Variants in PAX2 observed in about 807,000 individuals in gnomAD.
The protein encoded by PAX2 is paired box 2.
In PAX2, 9 loss-of-function variants were observed where a neutral mutation model predicts 41.7. The ratio of observed to expected loss-of-function variants is 0.22; its 90% CI spans 0.13 to 0.38. The LOEUF (loss-of-function observed/expected upper bound fraction) is 0.38, where lower values mean the gene tolerates loss of function less well. Among genes scored for constraint, PAX2 ranks in the 10% least tolerant of loss-of-function variants. PAX2 has a pLI of 1.00. For synonymous variants in PAX2, 221 were observed against 212.7 expected (o/e 1.04, Z -0.34); for missense variants, 418 against 531.6 (o/e 0.79, Z 2.10).
At chr10:100,770,260 A>G (rs1480324406) in intron 3 of PAX2, among the ~76,000 whole-genome samples, 1 of 152,158 alleles carries the variant, frequency 6.6e-6, no homozygotes, top group Non-Finnish European at 1.5e-5. Context: ...ACTTTATCCC[A>G]GCAATGAATC....
chr10:100,781,483 G>A (rs887314214), intron 5 of PAX2, 118 bp downstream of exon 5: 1 of 1,100,550 alleles, frequency 9.1e-7, no homozygotes, highest in Admixed American at 1.7e-5. Context: ...TAGTAGCAAA[G>A]CCCAGGTCCC....
Position 100,745,856 on chromosome 10 carries a change from C to T in PAX2, c.-405C>T, listed in dbSNP as rs1270903058. On this transcript the variant is annotated 5_prime_UTR_variant, in exon 1 of 10. Transcript: ENST00000355243. Reference sequence around the variant, plus strand: ...GCGCCCTCTGACCGCCCCCGCCCCGCGCGCTCTCCGACCACCGCCTCTCGG... The same window carrying T: ...GCGCCCTCTGACCGCCCCCGCCCCGTGCGCTCTCCGACCACCGCCTCTCGG... 9.1e-7 allele frequency: 1 copy of T among 1,104,202 alleles called. No homozygotes were observed. Among genetic ancestry groups the T allele is most frequent in the Non-Finnish European group, 1.1e-6 (1 of 906,620 alleles). 68.4% of individuals were successfully genotyped at this position (1,104,202 alleles called of 1,614,324 possible). A position where few individuals can be genotyped will look rare whatever the true frequency, so the allele number is the denominator to read the frequency against.
At chr10:100,808,448 C>T (rs776698548) in intron 6 of PAX2, among the ~76,000 whole-genome samples, 19 of 152,128 alleles carry the variant, frequency 1.2e-4, no homozygotes, top group Non-Finnish European at 1.9e-4. Flanking sequence ...TGCAGGCTCC[C>T]GGTCTGCCCA....
At chr10:100,807,868 A>G (rs186431909) in intron 6 of PAX2, among the ~76,000 whole-genome samples, 4 of 152,306 alleles carry the variant, frequency 2.6e-5, no homozygotes, top group Non-Finnish European at 5.9e-5. Flanking sequence ...AGACTCCAAC[A>G]GCTCCCAGCC....
intron 1 of PAX2, chr10:100,735,745 AGAGACCCGTCCGCGCCGCAGGC>A: frequency 9.6e-7 from 1 of 1,038,952 alleles, no homozygotes; most frequent in Non-Finnish European, 1.2e-6. Context: ...TAAGAGCGGC[AGAGACCCGTCCGCGCCGCAGGC>A]GAGGACTAGG....
At chr10:100,807,025 T>A (rs1010513966) in intron 6 of PAX2, among the ~76,000 whole-genome samples, 3 of 152,000 alleles carry the variant, frequency 2.0e-5, no homozygotes, top group Non-Finnish European at 4.4e-5. Flanking sequence ...AAGTCTACGC[T>A]AGACTGGGGA....
At chr10:100,783,090 G>A (rs1846699889) in intron 5 of PAX2, among the ~76,000 whole-genome samples, 1 of 152,228 alleles carries the variant, frequency 6.6e-6, no homozygotes. Context: ...CTGGGGGTAG[G>A]GAGGCACTGG....
chr10:100,819,601 A>T, intron 7 of PAX2, among the ~76,000 whole-genome samples: 1 of 152,172 alleles, frequency 6.6e-6, no homozygotes, highest in East Asian at 1.9e-4. Context: ...TAAAAACATC[A>T]ACATCATAGG....
intron 3 of PAX2, among the ~76,000 whole-genome samples, chr10:100,770,183 C>T (rs1233498680): frequency 6.6e-6 from 1 of 152,182 alleles, no homozygotes; most frequent in Non-Finnish European, 1.5e-5. Context: ...GCTCATGTGA[C>T]TGCAGAGGGA....
chr10:100,758,393 G>C (rs1351313453), intron 3 of PAX2, among the ~76,000 whole-genome samples: 3 of 152,056 alleles, frequency 2.0e-5, no homozygotes, highest in African/African-American at 7.2e-5. Flanking sequence ...GCCCGCCTCG[G>C]CCTCCCAGAT....
intron 3 of PAX2, among the ~76,000 whole-genome samples, chr10:100,764,680 CTG>C (rs59663467): frequency 4.6e-4 from 69 of 149,360 alleles, no homozygotes; most frequent in East Asian, 1.4e-3. Context: ...GACCTTGTGG[CTG>C]TGTGTGTGTG....
At chr10:100,776,515 A>G (rs1384194720) in intron 3 of PAX2, among the ~76,000 whole-genome samples, 2 of 152,174 alleles carry the variant, frequency 1.3e-5, no homozygotes, top group African/African-American at 4.8e-5. Context: ...TTGCAAGGTC[A>G]GTTTCTTTTC....
intron 5 of PAX2, among the ~76,000 whole-genome samples, chr10:100,799,880 G>T (rs1315657071): frequency 6.1e-5 from 9 of 148,120 alleles, no homozygotes; most frequent in African/African-American, 2.0e-4. Context: ...CGCCTCCTGG[G>T]TTCAAGCGAT....
rs60831676 is a variant in PAX2, at chr10:100,807,434, C to A, written c.792+829C>A. ...ACGGTACTGTGCTCACACACCACCG[C>A]CCACCTGTTCCCTCACCCACAGCCC... On this transcript the variant is annotated intron_variant, in intron 6 of 9. Transcript: ENST00000355243. Among the ~76,000 whole-genome samples, 622 of 149,734 alleles carry A rather than the reference C, an allele frequency of 4.2e-3. 4 individuals carry two copies. The highest frequency in any genetic ancestry group is 0.015 in the African/African-American group (594 of 40,450).
At chr10:100,785,280 A>C (rs1589853088) in intron 5 of PAX2, among the ~76,000 whole-genome samples, 2 of 152,206 alleles carry the variant, frequency 1.3e-5, no homozygotes, top group East Asian at 1.9e-4. Context: ...ATTGCTGTTC[A>C]TCGGTGATGG....
At chr10:100,753,828 G>T (rs1413305936) in intron 3 of PAX2, among the ~76,000 whole-genome samples, 1 of 152,132 alleles carries the variant, frequency 6.6e-6, no homozygotes, top group Non-Finnish European at 1.5e-5. Flanking sequence ...TGTGATAAAG[G>T]CCTGGCCATC....
intron 5 of PAX2, among the ~76,000 whole-genome samples, chr10:100,805,485 C>A (rs1021528426): frequency 3.7e-4 from 57 of 152,114 alleles, no homozygotes; most frequent in African/African-American, 1.4e-3. Context: ...GGCCACAGAG[C>A]AGGCACATTG....
At chr10:100,796,390 C>T (rs545390983) in intron 5 of PAX2, among the ~76,000 whole-genome samples, 1 of 152,124 alleles carries the variant, frequency 6.6e-6, no homozygotes, top group African/African-American at 2.4e-5. Flanking sequence ...TTTGAAAACA[C>T]GATTTTTTAA....
chr10:100,747,193 C>G (rs1003564939), intron 1 of PAX2: 1 of 152,190 alleles, frequency 6.6e-6, no homozygotes, highest in Admixed American at 6.5e-5. Context: ...CCTAGACTGC[C>G]GACTCCCCAT....
Sources: gnomAD v4.1 joint callset for allele counts (sites outside exome capture counted in the v4.1 genomes callset) on GRCh38, gnomAD v4.1.1 for gene constraint, MANE v1.5 for transcripts, NCBI Gene and HGNC (gene_info 2026-07-23, HGNC 2026-07-21) for gene names.